HERC4: variants seen among roughly 807,000 people sequenced by gnomAD.
HERC4 encodes HECT and RLD domain containing E3 ubiquitin protein ligase 4, also known as probable E3 ubiquitin-protein ligase HERC4.
HERC4 carries 28 observed loss-of-function variants against 124.3 expected under a neutral mutation model. The ratio of observed to expected loss-of-function variants is 0.23; its 90% CI spans 0.17 to 0.31. The LOEUF (loss-of-function observed/expected upper bound fraction) is 0.31. Ranked by LOEUF, HERC4 falls within the 10% of genes least tolerant of loss-of-function variation. The probability of loss-of-function intolerance (pLI) is 1.00; values close to 1 mark genes in which losing one functional copy is unlikely to be tolerated. For synonymous variants in HERC4, 407 were observed against 421.5 expected (o/e 0.97, Z 0.42); for missense variants, 713 against 1,229.3 (o/e 0.58, Z 6.28).
chr10:68,061,532 CAAAAA>C (rs59169970), intron 3 of HERC4, among the ~76,000 whole-genome samples: 27 of 13,980 alleles, frequency 1.9e-3, no homozygotes, highest in African/African-American at 6.0e-3. Flanking sequence ...GACTCCGTCT[CAAAAA>C]AAAAAAAAAA....
rs1284703810 is a variant in HERC4 at position 67,975,191 on chromosome 10, A to C, written c.1807-8389T>G. 2.1e-5 allele frequency among the ~76,000 whole-genome samples: 3 copies of C among 145,652 alleles called. No individual in the cohort carries two copies. The South Asian group carries it at 6.6e-4, about 32-fold the overall frequency. On this transcript the variant is annotated intron_variant, in intron 15 of 24. Transcript: ENST00000373700. ...GTGACAAGAGCCAAACTCTGTCTTT[A>C]AAAAAAAAAAAATTCACTCAAATTT...
chr10:68,020,346 G>A (rs924270416), intron 8 of HERC4, among the ~76,000 whole-genome samples: 1 of 151,804 alleles, frequency 6.6e-6, no homozygotes, highest in Admixed American at 6.6e-5. Context: ...AAGGTCAAAT[G>A]GCAGACCTAA....
intron 7 of HERC4, among the ~76,000 whole-genome samples, chr10:68,028,379 A>G (rs987458511): frequency 6.6e-6 from 1 of 152,066 alleles, no homozygotes; most frequent in Non-Finnish European, 1.5e-5. Context: ...GATGTTTTCC[A>G]TTTTTTGCAG....
intron 14 of HERC4, 102 bp downstream of exon 14, chr10:67,990,109 T>C: frequency 2.3e-6 from 2 of 881,006 alleles, no homozygotes; most frequent in East Asian, 2.8e-5. Flanking sequence ...TAAGACAGTG[T>C]CAAATAAGCA....
intron 15 of HERC4, among the ~76,000 whole-genome samples, chr10:67,973,766 TAC>T (rs2132537014): frequency 6.6e-6 from 1 of 152,208 alleles, no homozygotes; most frequent in East Asian, 1.9e-4. Flanking sequence ...AAAATTACTG[TAC>T]ATAGGTTGGG....
In HERC4 at chr10:68,049,590, C is replaced by CAAAAAAAAAAAAA. The variant is rs766514516; in HGVS notation, c.227-5040_227-5028dup. Among the ~76,000 whole-genome samples the CAAAAAAAAAAAAA allele has an allele frequency of 7.0e-5, 3 of 42,610 alleles. 1 individual carries two copies. Among genetic ancestry groups the CAAAAAAAAAAAAA allele is most frequent in the African/African-American group, 2.3e-4 (2 of 8,524 alleles). 28.0% of individuals were successfully genotyped at this position (42,610 alleles called of 152,430 possible). A position where few individuals can be genotyped will look rare whatever the true frequency, so the allele number is the denominator to read the frequency against. ...TGGGTGACAGAGTGAGACACTGCCA[C>CAAAAAAAAAAAAA]AAAAAAAAAAAAAAAAAAAAAAACA... On this transcript the variant is annotated intron_variant, in intron 3 of 24. Transcript: ENST00000373700.
At chr10:68,006,226 C>T (rs1295763240) in intron 9 of HERC4, among the ~76,000 whole-genome samples, 2 of 152,134 alleles carry the variant, frequency 1.3e-5, no homozygotes, top group African/African-American at 4.8e-5. Flanking sequence ...TGTCTGTGTA[C>T]TTACTATTAT....
At chr10:67,952,843 T>C (rs2132281001) in intron 19 of HERC4, among the ~76,000 whole-genome samples, 1 of 150,676 alleles carries the variant, frequency 6.6e-6, no homozygotes, top group South Asian at 2.1e-4. Context: ...GAGCTTGCAG[T>C]GAGCCGAGAG....
At chr10:68,018,226 A>G (rs2038383281) in intron 8 of HERC4, among the ~76,000 whole-genome samples, 1 of 151,568 alleles carries the variant, frequency 6.6e-6, no homozygotes, top group African/African-American at 2.4e-5. Context: ...GCTGTTAACT[A>G]GAAAAAAAAA....
intron 4 of HERC4, chr10:68,039,979 C>T (rs1435883534): frequency 1.3e-6 from 1 of 741,652 alleles, no homozygotes; most frequent in African/African-American, 1.9e-5. Flanking sequence ...GGTACCTATT[C>T]ATTTAATATT....
intron 19 of HERC4, among the ~76,000 whole-genome samples, chr10:67,943,056 T>C (rs1388045972): frequency 6.6e-6 from 1 of 152,238 alleles, no homozygotes; most frequent in Non-Finnish European, 1.5e-5. Context: ...TCTTAAGTAT[T>C]TGTATTTGAA....
chr10:68,059,905 T>TTATATATTATA (rs2040908572), intron 3 of HERC4, among the ~76,000 whole-genome samples: 2 of 46,244 alleles, frequency 4.3e-5, no homozygotes, highest in African/African-American at 2.7e-4. Flanking sequence ...TTATATATTA[T>TTATATATTATA]ATAATATTAT....
At chr10:68,060,082 T>C (rs1230612226) in intron 3 of HERC4, among the ~76,000 whole-genome samples, 6 of 150,090 alleles carry the variant, frequency 4.0e-5, no homozygotes, top group Non-Finnish European at 8.8e-5. Flanking sequence ...CTGACTGTTC[T>C]CACCAAAACA....
intron 15 of HERC4, among the ~76,000 whole-genome samples, chr10:67,983,482 G>T (rs567338444): frequency 1.5e-3 from 223 of 152,162 alleles, no homozygotes; most frequent in Non-Finnish European, 2.8e-3. Context: ...GTGTCCATCA[G>T]TAGGTGAATG....
chr10:68,008,285 A>G (rs571514558), intron 9 of HERC4, among the ~76,000 whole-genome samples: 1 of 152,346 alleles, frequency 6.6e-6, no homozygotes, highest in South Asian at 2.1e-4. Flanking sequence ...AAGCATGTAG[A>G]GACTAATTCC....
chr10:67,974,087 CACACA>C (rs2035425290), intron 15 of HERC4, among the ~76,000 whole-genome samples: 2 of 134,468 alleles, frequency 1.5e-5, no homozygotes, highest in Non-Finnish European at 1.6e-5. Flanking sequence ...CACACACACA[CACACA>C]CACACACACA....
At chr10:68,058,100 T>C (rs2040646786) in intron 3 of HERC4, among the ~76,000 whole-genome samples, 1 of 152,250 alleles carries the variant, frequency 6.6e-6, no homozygotes, top group Non-Finnish European at 1.5e-5. Context: ...AAGGCATCTT[T>C]AATTCTTTTC....
chr10:67,981,449 A>C (rs2035924943), intron 15 of HERC4, among the ~76,000 whole-genome samples: 1 of 152,128 alleles, frequency 6.6e-6, no homozygotes, highest in Non-Finnish European at 1.5e-5. Flanking sequence ...AGCCTTCAAC[A>C]CTCCACTTTT....
chr10:68,032,718 T>C, intron 7 of HERC4, 60 bp downstream of exon 7: 1 of 840,242 alleles, frequency 1.2e-6, no homozygotes, highest in Non-Finnish European at 2.0e-6. Flanking sequence ...CATGAGAACA[T>C]TCATTAATTA....
Sources: gnomAD v4.1 joint callset for allele counts (sites outside exome capture counted in the v4.1 genomes callset) on GRCh38, gnomAD v4.1.1 for gene constraint, MANE v1.5 for transcripts, NCBI Gene and HGNC (gene_info 2026-07-23, HGNC 2026-07-21) for gene names.